ROBO2: variants seen among roughly 807,000 people sequenced by gnomAD.
The protein encoded by ROBO2 is roundabout guidance receptor 2, also known as roundabout homolog 2.
ROBO2 carries 53 observed loss-of-function variants against 160.8 expected under a neutral mutation model. The ratio of observed to expected loss-of-function variants is 0.33; its 90% confidence interval spans 0.26 to 0.41. The LOEUF (loss-of-function observed/expected upper bound fraction) is 0.41. Among genes scored for constraint, ROBO2 ranks in the 10% least tolerant of loss-of-function variants. The pLI is 1.00. For synonymous variants in ROBO2, 664 were observed against 611.7 expected (o/e 1.09, Z -1.26); for missense variants, 1,577 against 1,722.4 (o/e 0.92, Z 1.49).
At chr3:76,525,548 C>A (rs960925366) in intron 2 of ROBO2, among the ~76,000 whole-genome samples, 2 of 151,874 alleles carry the variant, frequency 1.3e-5, no homozygotes, top group Admixed American at 6.6e-5. Flanking sequence ...GAAAAAAATT[C>A]TTTTATTTCA....
At chr3:77,640,338 C>G (rs2095332493) in intron 24 of ROBO2, among the ~76,000 whole-genome samples, 1 of 152,130 alleles carries the variant, frequency 6.6e-6, no homozygotes, top group South Asian at 2.1e-4. Flanking sequence ...TGGTCTCGAT[C>G]TCTTGACCTC....
intron 2 of ROBO2, among the ~76,000 whole-genome samples, chr3:76,970,117 T>A (rs1054688011): frequency 6.6e-6 from 1 of 152,122 alleles, no homozygotes; most frequent in African/African-American, 2.4e-5. Flanking sequence ...TGAAGAACCA[T>A]TCTCACAGAC....
intron 2 of ROBO2, among the ~76,000 whole-genome samples, chr3:76,243,501 G>T (rs764321522): frequency 6.6e-6 from 1 of 152,204 alleles, no homozygotes; most frequent in South Asian, 2.1e-4. Flanking sequence ...AGAAAACACA[G>T]TAGTACCCAA....
chr3:77,349,151 G>A (rs867525448), intron 2 of ROBO2, among the ~76,000 whole-genome samples: 9 of 152,058 alleles, frequency 5.9e-5, no homozygotes, highest in Middle Eastern at 6.8e-3. Context: ...ATAATAGGTG[G>A]TCAATAAATA....
At chr3:76,973,765 T>A (rs1435249447) in intron 2 of ROBO2, among the ~76,000 whole-genome samples, 1 of 152,168 alleles carries the variant, frequency 6.6e-6, no homozygotes, top group African/African-American at 2.4e-5. Context: ...AAGAAAAAGA[T>A]AATAAAAGAT....
At chr3:75,923,409 T>C (rs892466121) in intron 1 of ROBO2, among the ~76,000 whole-genome samples, 8 of 152,194 alleles carry the variant, frequency 5.3e-5, no homozygotes, top group Admixed American at 4.6e-4. Context: ...CACCCTACTA[T>C]TCCCTCAAAA....
intron 1 of ROBO2, among the ~76,000 whole-genome samples, chr3:77,089,325 T>C (rs2069802927): frequency 6.6e-6 from 1 of 152,170 alleles, no homozygotes. Context: ...TAAGGGTTTG[T>C]AAAAGGACCT....
chr3:76,336,796 C>T (rs2073919807), intron 2 of ROBO2, among the ~76,000 whole-genome samples: 1 of 151,942 alleles, frequency 6.6e-6, no homozygotes, highest in Non-Finnish European at 1.5e-5. Context: ...CATATAAATA[C>T]ATTCGAAAGA....
At chr3:77,447,504 T>C (rs2080665051) in intron 2 of ROBO2, among the ~76,000 whole-genome samples, 1 of 152,170 alleles carries the variant, frequency 6.6e-6, no homozygotes, top group Non-Finnish European at 1.5e-5. Context: ...TGGTTAGTAC[T>C]ACTCTGCCAT....
At chr3:77,063,923 C>T (rs914342407) in intron 1 of ROBO2, among the ~76,000 whole-genome samples, 5 of 152,162 alleles carry the variant, frequency 3.3e-5, no homozygotes, top group Non-Finnish European at 7.4e-5. Context: ...GCCTATCTAT[C>T]CTTGTAAGTT....
intron 2 of ROBO2, among the ~76,000 whole-genome samples, chr3:76,722,824 C>G (rs2093485980): frequency 6.6e-6 from 1 of 152,174 alleles, no homozygotes; most frequent in Non-Finnish European, 1.5e-5. Flanking sequence ...TGTTTCATCA[C>G]ATTTTGGTTA....
In ROBO2 at chr3:77,075,272, G is replaced by A. The variant is rs1033291267; in HGVS notation, c.62-22742G>A. ...TTGAACCTGTATCTAAAAGTATAGT[G>A]TGTGGAGTGCTGTACAGACATAGGG... On this transcript the variant is annotated intron_variant, in intron 1 of 25. Coordinates refer to ENST00000461745, the Ensembl canonical transcript of ROBO2. 5.3e-5 allele frequency among the ~76,000 whole-genome samples: 8 copies of A among 152,190 alleles called. No homozygotes were observed. In the East Asian group the frequency reaches 1.2e-3, roughly 22 times the overall value.
chr3:77,124,253 A>C (rs983240385), intron 2 of ROBO2, among the ~76,000 whole-genome samples: 1 of 152,160 alleles, frequency 6.6e-6, no homozygotes, highest in Non-Finnish European at 1.5e-5. Context: ...CCTTCTTCAG[A>C]AGATGTCTTT....
chr3:76,667,705 CTT>C (rs770462381), intron 2 of ROBO2, among the ~76,000 whole-genome samples: 41,479 of 151,660 alleles, frequency 0.27, 6,191 homozygotes, highest in East Asian at 0.51. Context: ...AGTGATCAGA[CTT>C]TTTGGCTCAT....
intron 2 of ROBO2, among the ~76,000 whole-genome samples, chr3:76,350,441 G>A (rs1328444499): frequency 6.6e-6 from 1 of 151,932 alleles, no homozygotes; most frequent in Non-Finnish European, 1.5e-5. Context: ...CATTTTCTCT[G>A]GTTGAGAAAG....
chr3:76,616,703 T>C (rs181801420), intron 2 of ROBO2, among the ~76,000 whole-genome samples: 42 of 152,340 alleles, frequency 2.8e-4, no homozygotes, highest in African/African-American at 9.9e-4. Flanking sequence ...GTAAGACATA[T>C]TGCCAACCAA....
chr3:77,289,927 T>C lies in ROBO2; in HGVS notation c.389-187487T>C, dbSNP rs35210149. On this transcript the variant is annotated intron_variant, in intron 2 of 25. Coordinates refer to ENST00000461745, the Ensembl canonical transcript of ROBO2. Reference sequence around the variant, plus strand: ...CCCTAAAGACATAAAGTAAAATTGATGGTTAAACGGGTAAGCTGAGGCTAG... The same window carrying C: ...CCCTAAAGACATAAAGTAAAATTGACGGTTAAACGGGTAAGCTGAGGCTAG... Among the ~76,000 whole-genome samples the C allele has an allele frequency of 9.0e-5, 13 of 144,570 alleles. No individual in the cohort carries two copies. In the East Asian group the frequency reaches 1.1e-3, roughly 12 times the overall value. The allele number at this position is 144,570 out of a possible 152,430, so 94.8% of individuals were successfully genotyped here. A position where few individuals can be genotyped will look rare whatever the true frequency, so the allele number is the denominator to read the frequency against.
chr3:75,998,583 A>G (rs2065794372), intron 2 of ROBO2, among the ~76,000 whole-genome samples: 1 of 152,246 alleles, frequency 6.6e-6, no homozygotes, highest in Non-Finnish European at 1.5e-5. Flanking sequence ...AAGTATTTAT[A>G]TGTTTAATTT....
In ROBO2 at chr3:76,125,451, A is replaced by G. The variant is rs1300061523; in HGVS notation, c.109+187849A>G. On this transcript the variant is annotated intron_variant, in intron 2 of 26. Coordinates refer to the ROBO2 transcript ENST00000487694. ...CTTTCCACAGCGATTGGACCAATTT[A>G]CATTCCCACCAGCAGTGTATAAGCA... 4.6e-5 allele frequency among the ~76,000 whole-genome samples: 7 copies of G among 152,150 alleles called. No homozygotes were observed. In the East Asian group the frequency reaches 1.3e-3, roughly 29 times the overall value.
Sources: gnomAD v4.1 joint callset for allele counts (sites outside exome capture counted in the v4.1 genomes callset) on GRCh38, gnomAD v4.1.1 for gene constraint, MANE v1.5 for transcripts, NCBI Gene and HGNC (gene_info 2026-07-23, HGNC 2026-07-21) for gene names.